The following AOPEP variants were observed in gnomAD, a reference collection of about 807,000 sequenced individuals.
AOPEP encodes the protein aminopeptidase O.
AOPEP carries 77 observed loss-of-function variants against 98.1 expected under a neutral mutation model. That is an observed-to-expected ratio of 0.78 (90% CI 0.65 to 0.95). AOPEP has a LOEUF of 0.95. AOPEP is among the 40% of genes least tolerant of loss of function. AOPEP has a pLI of 0.00. For missense variants in AOPEP, 1,024 were observed against 1,024.7 expected, an observed-to-expected ratio of 1.00 and a Z score of 0.01; for synonymous variants, 346 against 365.3, an observed-to-expected ratio of 0.95 and a Z score of 0.60.
At chr9:94,868,585 A>G (rs1202562040) in intron 5 of AOPEP, among the ~76,000 whole-genome samples, 3 of 152,198 alleles carry the variant, frequency 2.0e-5, no homozygotes, top group East Asian at 1.9e-4. Context: ...GCTCCCATGC[A>G]TGCTCCATTG....
chr9:94,782,686 A>G (rs1843556217), intron 3 of AOPEP, among the ~76,000 whole-genome samples: 1 of 152,266 alleles, frequency 6.6e-6, no homozygotes, highest in Admixed American at 6.5e-5. Context: ...TGCAAAGTAG[A>G]GAAAGCTCCT....
In AOPEP at chr9:94,995,170, G is replaced by A. The variant is rs117268839; in HGVS notation, c.1978-9988G>A. ...GATGTGTTGTGTCTTTGCAGGCTCC[G>A]TACAAGGGCATTGAGCCTGTGTGCT... is the stretch of plus-strand genomic sequence containing the variant. On this transcript the variant is annotated intron_variant, in intron 11 of 16. Coordinates refer to ENST00000375315, the MANE Select transcript of AOPEP (RefSeq NM_001193329.3). Among the ~76,000 whole-genome samples the A allele has an allele frequency of 5.1e-3, 779 of 152,230 alleles. 3 individuals carry two copies. The highest frequency in any genetic ancestry group is 0.037 in the South Asian group (179 of 4,824).
chr9:94,728,659 G>A (rs1829830415), intron 1 of AOPEP, among the ~76,000 whole-genome samples: 1 of 152,182 alleles, frequency 6.6e-6, no homozygotes, highest in African/African-American at 2.4e-5. Context: ...CTTGGAAACA[G>A]GAAGATGCTG....
chr9:95,077,181 A>G (rs2069160992), intron 14 of AOPEP, among the ~76,000 whole-genome samples: 2 of 152,102 alleles, frequency 1.3e-5, no homozygotes, highest in South Asian at 4.2e-4. Flanking sequence ...AGCCCAGGTT[A>G]TGTGTTTCTC....
At chr9:94,969,939 T>C (rs989119983) in intron 10 of AOPEP, among the ~76,000 whole-genome samples, 1 of 152,174 alleles carries the variant, frequency 6.6e-6, no homozygotes, top group Non-Finnish European at 1.5e-5. Flanking sequence ...GACTGTCTTA[T>C]AGGCAGTGTG....
intron 2 of AOPEP, among the ~76,000 whole-genome samples, chr9:94,769,297 A>T (rs77029503): frequency 6.6e-6 from 1 of 152,220 alleles, no homozygotes; most frequent in Non-Finnish European, 1.5e-5. Flanking sequence ...CTGTGATGTC[A>T]GACATGCATA....
chr9:94,843,892 A>G (rs76714638), intron 5 of AOPEP, among the ~76,000 whole-genome samples: 9,956 of 152,116 alleles, frequency 0.065, 1,080 homozygotes, highest in African/African-American at 0.23. Flanking sequence ...AGTTATTGCT[A>G]TCTTTTTGTT....
At chr9:95,136,637 TCAC>T in the AOPEP span, among the ~76,000 whole-genome samples, 1 of 152,166 alleles carries the variant, frequency 6.6e-6, no homozygotes, top group African/African-American at 2.4e-5. Flanking sequence ...CAGGTGCACG[TCAC>T]CACATCTGGC....
At chr9:95,122,906 G>A in the AOPEP span, among the ~76,000 whole-genome samples, 1 of 152,150 alleles carries the variant, frequency 6.6e-6, no homozygotes, top group African/African-American at 2.4e-5. Context: ...CCTTCCAGCC[G>A]AGCCACCTCC....
chr9:94,801,606 A>C (rs1848235451), intron 5 of AOPEP, among the ~76,000 whole-genome samples: 1 of 152,224 alleles, frequency 6.6e-6, no homozygotes, highest in Non-Finnish European at 1.5e-5. Flanking sequence ...TAACAAATGC[A>C]CTTTTGCTGT....
At chr9:94,731,231 G>GTT (rs1016664290) in intron 1 of AOPEP, among the ~76,000 whole-genome samples, 5 of 143,294 alleles carry the variant, frequency 3.5e-5, no homozygotes, top group Non-Finnish European at 7.7e-5. Context: ...TATCCAACTT[G>GTT]TTTTTTTTTT....
At chr9:94,983,853 C>A (rs1008456007) in intron 11 of AOPEP, among the ~76,000 whole-genome samples, 1 of 136,058 alleles carries the variant, frequency 7.3e-6, no homozygotes, top group African/African-American at 2.6e-5. Flanking sequence ...CCCCTCCCCT[C>A]CCCCCTCCCC....
Sources: allele counts gnomAD v4.1 joint callset (sites outside exome capture counted in the v4.1 genomes callset), GRCh38; gene constraint gnomAD v4.1.1; transcripts MANE v1.5; gene names NCBI Gene and HGNC (gene_info 2026-07-23, HGNC 2026-07-21).